Variants in KLHL13 observed in about 807,000 individuals in gnomAD.
KLHL13 encodes the protein kelch like family member 13.
A neutral mutation model predicts 37.1 loss-of-function variants in KLHL13; 10 were observed. The ratio of observed to expected loss-of-function variants is 0.27; its 90% confidence interval spans 0.17 to 0.46. The LOEUF (loss-of-function observed/expected upper bound fraction) is 0.46, where lower values mean the gene tolerates loss of function less well. Among genes scored for constraint, KLHL13 ranks in the 20% least tolerant of loss-of-function variants. KLHL13 has a pLI of 1.00. For missense variants in KLHL13, 360 were observed against 509.3 expected (o/e 0.71, Z 2.82); for synonymous variants, 163 against 181.2 (o/e 0.90, Z 0.81).
chrX:118,039,206 A>C (rs1034985727), intron 1 of KLHL13, among the ~76,000 whole-genome samples: 6 of 112,345 alleles, frequency 5.3e-5, no homozygotes, highest in Non-Finnish European at 1.1e-4. Context: ...TGCTGGCTTC[A>C]CATGTGACCC....
chrX:118,023,349 T>A (rs1234123667), intron 1 of KLHL13, among the ~76,000 whole-genome samples: 1 of 111,250 alleles, frequency 9.0e-6, no homozygotes, highest in Non-Finnish European at 1.9e-5. Flanking sequence ...CAAGTTTCTG[T>A]CACTAATCTT....
chrX:118,036,352 G>T (rs912580033), intron 1 of KLHL13, among the ~76,000 whole-genome samples: 1 of 111,852 alleles, frequency 8.9e-6, no homozygotes, highest in Non-Finnish European at 1.9e-5. Flanking sequence ...TATACTACAA[G>T]GCTACAGTCA....
chrX:117,972,973 C>T, exon 1 of KLHL13: 4 of 1,075,769 alleles, frequency 3.7e-6, no homozygotes, highest in South Asian at 5.1e-5. Context: ...TAAACCGATG[C>T]TTCCAATCTG....
At chrX:117,961,500 T>C (rs1038818092) in intron 1 of KLHL13, among the ~76,000 whole-genome samples, 1 of 111,845 alleles carries the variant, frequency 8.9e-6, no homozygotes, top group Non-Finnish European at 1.9e-5. Context: ...TGTGGATATG[T>C]TGTTACATGG....
chrX:117,993,430 T>C (rs1416002395), intron 1 of KLHL13, among the ~76,000 whole-genome samples: 1 of 112,235 alleles, frequency 8.9e-6, no homozygotes, highest in East Asian at 2.8e-4. Flanking sequence ...ATTTAACTTA[T>C]TTAATCCTTA....
chrX:117,920,186 G>A lies in KLHL13; in HGVS notation c.373+52C>T, dbSNP rs147714787. ...TTAGAAATAAAAAAGATTTAAACAC[G>A]GATTTTTCATATTGTTTTAATGTGG... On this transcript the variant is annotated intron_variant, in intron 3 of 6. Transcript: ENST00000262820. 3.7e-4 allele frequency: 417 copies of A among 1,139,085 alleles called. 4 individuals carry two copies. The East Asian group carries it at 0.011, about 30-fold the overall frequency. 93.9% of individuals were successfully genotyped at this position (1,139,085 alleles called of 1,213,427 possible).
chrX:118,036,263 C>A (rs1179330534), intron 1 of KLHL13, among the ~76,000 whole-genome samples: 1 of 110,497 alleles, frequency 9.1e-6, no homozygotes, highest in Non-Finnish European at 1.9e-5. Flanking sequence ...CATATGGAAC[C>A]AAAAAAGAGC....
chrX:118,002,548 G>A (rs1373760302), intron 1 of KLHL13, among the ~76,000 whole-genome samples: 1 of 108,228 alleles, frequency 9.2e-6, no homozygotes, highest in Non-Finnish European at 1.9e-5. Context: ...AGCTGAGATC[G>A]CACCATTGCA....
At chrX:117,989,029 G>T (rs1397076443) in intron 1 of KLHL13, among the ~76,000 whole-genome samples, 1 of 111,332 alleles carries the variant, frequency 9.0e-6, no homozygotes, top group African/African-American at 3.3e-5. Context: ...TGGAAACATA[G>T]AAATAAGCTA....
chrX:118,007,632 T>C (rs971773192), intron 1 of KLHL13, among the ~76,000 whole-genome samples: 11 of 111,540 alleles, frequency 9.9e-5, no homozygotes, highest in Non-Finnish European at 1.7e-4. Context: ...TCTAGCTATC[T>C]ATAGCTCATA....
intron 5 of KLHL13, among the ~76,000 whole-genome samples, chrX:117,903,617 TTCTC>T (rs755944247): frequency 1.0e-4 from 11 of 109,394 alleles, no homozygotes; most frequent in Non-Finnish European, 1.9e-4. Context: ...TACATTATTA[TTCTC>T]TCTCTCTCTC....
In KLHL13 at chrX:117,963,275, T is replaced by C. The variant is rs1042644332; in HGVS notation, c.98+9456A>G. On this transcript the variant is annotated intron_variant, in intron 1 of 6. Transcript: ENST00000262820. ...AGTTATGCTGGGAAAAATATTTTAG[T>C]ATAATTGAAAACACAATATAATTTT... Among the ~76,000 whole-genome samples the C allele has an allele frequency of 7.2e-5, 8 of 111,530 alleles. No homozygotes were observed. The Admixed American group carries it at 7.7e-4, about 11-fold the overall frequency.
intron 1 of KLHL13, chrX:117,985,166 A>G: frequency 1.4e-6 from 1 of 734,872 alleles, no homozygotes; most frequent in Non-Finnish European, 1.9e-6. Flanking sequence ...TCACAGCCAC[A>G]TATGGAAATA....
upstream of KLHL13, among the ~76,000 whole-genome samples, chrX:117,976,419 T>C (rs1240544314): frequency 8.9e-6 from 1 of 112,085 alleles, no homozygotes; most frequent in Non-Finnish European, 1.9e-5. Context: ...ATCATCCTAA[T>C]TACAAGTTGG....
intron 6 of KLHL13, among the ~76,000 whole-genome samples, chrX:117,901,447 T>C (rs1461271675): frequency 9.0e-6 from 1 of 110,745 alleles, no homozygotes; most frequent in Non-Finnish European, 1.9e-5. Context: ...CATATGCAAA[T>C]ACACACAAAA....
At chrX:117,930,254 A>G (rs944516842) in intron 2 of KLHL13, among the ~76,000 whole-genome samples, 3 of 84,782 alleles carry the variant, frequency 3.5e-5, no homozygotes, top group African/African-American at 1.5e-4. Context: ...GGAAGGAAGG[A>G]AGGAAGGAAG....
rs150520097 is a variant in KLHL13, at chrX:117,902,166, G to T, written c.1367-220C>A. Among the ~76,000 whole-genome samples, 6 of 110,938 alleles carry T rather than the reference G, an allele frequency of 5.4e-5. No individual in the cohort carries two copies. In the Admixed American group the frequency reaches 5.8e-4, roughly 11 times the overall value. On this transcript the variant is annotated intron_variant, in intron 5 of 6. Transcript: ENST00000262820. ...TACATGTTACATTAGACTAGATAGT[G>T]TAAGAATCTAACAAATTTCTGTCAT...
rs59085638 is a variant in KLHL13 at position 118,099,919 on chromosome X, A to AAAGGAAGGAAGGAAGG, written c.-56+16573_-56+16588dup. Reference sequence around the variant, plus strand: ...AGAAGGAAGGAAAGAAGGAAGGAAGAAAGGAAGGAAGGAAGGAAGGAAGGA... The same window carrying AAAGGAAGGAAGGAAGG: ...AGAAGGAAGGAAAGAAGGAAGGAAGAAAGGAAGGAAGGAAGGAAGGAAGGAAGGAAGGAAGGAAGGA... On this transcript the variant is annotated intron_variant, in intron 1 of 6. Transcript: ENST00000371882. 8.5e-3 allele frequency among the ~76,000 whole-genome samples: 872 copies of AAAGGAAGGAAGGAAGG among 102,190 alleles called. 16 individuals are homozygous for AAAGGAAGGAAGGAAGG. The highest frequency in any genetic ancestry group is 0.032 in the African/African-American group (830 of 25,815). The allele number at this position is 102,190 out of a possible 115,157, so 88.7% of individuals were successfully genotyped here.
chrX:117,906,447 C>A (rs1164203065), intron 5 of KLHL13, among the ~76,000 whole-genome samples: 1 of 111,277 alleles, frequency 9.0e-6, no homozygotes, highest in East Asian at 2.8e-4. Context: ...AGTTTGGTTA[C>A]CTCCGTAATA....
Sources: gnomAD v4.1 joint callset for allele counts (sites outside exome capture counted in the v4.1 genomes callset) on GRCh38, gnomAD v4.1.1 for gene constraint, MANE v1.5 for transcripts, NCBI Gene and HGNC (gene_info 2026-07-23, HGNC 2026-07-21) for gene names.